MYO1H: variants seen among roughly 807,000 people sequenced by gnomAD.
MYO1H encodes the protein unconventional myosin-Ih.
A neutral mutation model predicts 149.3 loss-of-function variants in MYO1H; 118 were observed. The ratio of observed to expected loss-of-function variants is 0.79; its 90% CI spans 0.68 to 0.92. The LOEUF is 0.92. MYO1H is among the 40% of genes least tolerant of loss of function. The probability of loss-of-function intolerance (pLI) is 0.00; values close to 1 mark genes in which losing one functional copy is unlikely to be tolerated. For synonymous variants in MYO1H, 447 were observed against 465.2 expected (o/e 0.96, Z 0.50); for missense variants, 1,212 against 1,280.7 (o/e 0.95, Z 0.82).
chr12:109,405,901 G>A lies in MYO1H; in HGVS notation c.850-21G>A, dbSNP rs375738067. 148 of 1,550,552 alleles carry A rather than the reference G, an allele frequency of 9.5e-5. 1 individual carries two copies. The South Asian group carries it at 1.5e-3, about 15-fold the overall frequency. The stretch of plus-strand genomic sequence containing the variant: ...TTCCCTGTCCTGATCTCCTGTCTCT[G>A]AACACTTCCCATGTTCCTAGAATCT... On this transcript the variant is annotated intron_variant, in intron 7 of 31. Coordinates refer to ENST00000310903, the Ensembl canonical transcript of MYO1H.
intron 28 of MYO1H, among the ~76,000 whole-genome samples, chr12:109,443,901 C>CAA (rs370108094): frequency 1.1e-4 from 15 of 141,162 alleles, no homozygotes; most frequent in Admixed American, 2.1e-4. Flanking sequence ...GACTCTGGCT[C>CAA]AAAAAAAAAA....
intron 4 of MYO1H, 60 bp downstream of exon 4, chr12:109,396,642 A>G: frequency 6.9e-7 from 1 of 1,456,510 alleles, no homozygotes; most frequent in Non-Finnish European, 9.3e-7. Flanking sequence ...AGTGAGACAA[A>G]TCCTGTCTGG....
At chr12:109,424,678 G>A in intron 16 of MYO1H, 70 bp from the exon 17 acceptor site, 1 of 1,227,380 alleles carries the variant, frequency 8.1e-7, no homozygotes, top group South Asian at 1.3e-5. Flanking sequence ...CACACTCTGT[G>A]AGCCGTCCTG....
chr12:109,352,520 C>T (rs1434198047), intron 1 of MYO1H, among the ~76,000 whole-genome samples: 1 of 152,174 alleles, frequency 6.6e-6, no homozygotes, highest in East Asian at 1.9e-4. Context: ...ATTACATACA[C>T]TTTTGCTACA....
At chr12:109,388,747 A>T in exon 2 of MYO1H, 1 of 1,612,342 alleles carries the variant, frequency 6.2e-7, no homozygotes, top group Non-Finnish European at 8.5e-7. Flanking sequence ...GCCCGGGACA[A>T]GGTCGGGGTT....
intron 18 of MYO1H, 102 bp downstream of exon 18, chr12:109,426,153 C>G (rs975409054): frequency 5.2e-6 from 4 of 775,174 alleles, no homozygotes; most frequent in East Asian, 5.3e-5. Context: ...CAAGCTTGCT[C>G]GATGTCCTCT....
intron 25 of MYO1H, among the ~76,000 whole-genome samples, chr12:109,441,134 C>T (rs1312533263): frequency 6.6e-6 from 1 of 152,240 alleles, no homozygotes; most frequent in Non-Finnish European, 1.5e-5. Context: ...CCGTGCTAAC[C>T]TGCGGGTCTT....
intron 22 of MYO1H, among the ~76,000 whole-genome samples, chr12:109,436,829 C>G (rs923207894): frequency 1.3e-5 from 2 of 152,102 alleles, no homozygotes. Flanking sequence ...TGGCTCATAC[C>G]TATAATCCTA....
intron 27 of MYO1H, among the ~76,000 whole-genome samples, chr12:109,443,042 G>GTGTGTGTGTGTGTGTGTATACACATA (rs1276021967): frequency 1.1e-5 from 1 of 91,968 alleles, no homozygotes; most frequent in Non-Finnish European, 2.1e-5. Flanking sequence ...GTGTGTGTGT[G>GTGTGTGTGTGTGTGTGTATACACATA]TGTGTATATA....
the MYO1H span, among the ~76,000 whole-genome samples, chr12:109,318,980 T>TGTTTTTTTTGTTTTTTTTGTTTTTTTTG: frequency 7.3e-6 from 1 of 136,106 alleles, no homozygotes; most frequent in African/African-American, 2.9e-5. Flanking sequence ...TTGTTTTTTT[T>TGTTTTTTTTGTTTTTTTTGTTTTTTTTG]TTTTTTTTTT....
chr12:109,353,684 C>CT (rs571608438), intron 1 of MYO1H, among the ~76,000 whole-genome samples: 30 of 152,212 alleles, frequency 2.0e-4, no homozygotes, highest in Middle Eastern at 3.4e-3. Flanking sequence ...AGCAGTCTTG[C>CT]TCTGTCACCC....
At chr12:109,333,846 G>A in the MYO1H span, among the ~76,000 whole-genome samples, 8 of 152,114 alleles carry the variant, frequency 5.3e-5, no homozygotes, top group Admixed American at 5.2e-4. Context: ...TAACCCCATT[G>A]TTAAGGGGCA....
the MYO1H span, among the ~76,000 whole-genome samples, chr12:109,320,455 C>CAAAAAAAAA: frequency 1.9e-4 from 12 of 63,310 alleles, no homozygotes; most frequent in Non-Finnish European, 3.3e-4. Flanking sequence ...ATTAAAAATA[C>CAAAAAAAAA]AAAAAAAAAA....
At chr12:109,321,095 C>A in the MYO1H span, among the ~76,000 whole-genome samples, 1 of 151,630 alleles carries the variant, frequency 6.6e-6, no homozygotes, top group East Asian at 2.0e-4. Flanking sequence ...CTTAAAAGCC[C>A]TCAAAAACAC....
exon 32 of MYO1H, chr12:109,447,414 C>A: frequency 1.7e-6 from 1 of 598,576 alleles, no homozygotes; most frequent in South Asian, 2.0e-5. Context: ...GACCCCAGGT[C>A]ACCCGAAGGC....
Position 109,375,540 on chromosome 12 carries a change from C to T in MYO1H, c.13-13143C>T, listed in dbSNP as rs191880355. Reference sequence around the variant, plus strand: ...GATTTTTCTTATTCATTTCTAGATCCTTTTTATGTATTGGAAATAGCTTCC... The same window carrying T: ...GATTTTTCTTATTCATTTCTAGATCTTTTTTATGTATTGGAAATAGCTTCC... On this transcript the variant is annotated intron_variant, in intron 1 of 31. Coordinates refer to ENST00000310903, the Ensembl canonical transcript of MYO1H. Among the ~76,000 whole-genome samples the T allele has an allele frequency of 1.2e-4, 18 of 152,296 alleles. No individual in the cohort carries two copies. The East Asian group carries it at 2.5e-3, about 21-fold the overall frequency.
intron 19 of MYO1H, among the ~76,000 whole-genome samples, chr12:109,431,864 G>C (rs1871635207): frequency 6.6e-6 from 1 of 151,840 alleles, no homozygotes; most frequent in South Asian, 2.1e-4. Context: ...CTTGAGACAG[G>C]ATCTCTGTTA....
chr12:109,323,577 G>C, the MYO1H span, among the ~76,000 whole-genome samples: 1 of 152,194 alleles, frequency 6.6e-6, no homozygotes, highest in Non-Finnish European at 1.5e-5. Context: ...GTTAAGTCTG[G>C]GAGAGGATCT....
At chr12:109,342,352 C>G in the MYO1H span, among the ~76,000 whole-genome samples, 355 of 152,058 alleles carry the variant, frequency 2.3e-3, 2 homozygotes, top group African/African-American at 8.2e-3. Flanking sequence ...ACCATGTTGT[C>G]CAGGCTGGTC....
Sources: gnomAD v4.1 joint callset for allele counts (sites outside exome capture counted in the v4.1 genomes callset) on GRCh38, gnomAD v4.1.1 for gene constraint, MANE v1.5 for transcripts, NCBI Gene and HGNC (gene_info 2026-07-23, HGNC 2026-07-21) for gene names.